Variants in GRB2 observed in about 807,000 individuals in gnomAD.
The protein encoded by GRB2 is growth factor receptor-bound protein 2.
A neutral mutation model predicts 27.4 loss-of-function variants in GRB2; 2 were observed. That is an observed-to-expected ratio of 0.07 (90% confidence interval 0.03 to 0.23). The LOEUF is 0.23. GRB2 is among the 10% of genes least tolerant of loss of function. GRB2 has a pLI of 1.00. For missense variants in GRB2, 102 were observed against 282.4 expected (o/e 0.36, Z 4.58); for synonymous variants, 94 against 99.6 (o/e 0.94, Z 0.33).
intron 2 of GRB2, among the ~76,000 whole-genome samples, chr17:75,346,578 C>CCT (rs1567862701): frequency 8.7e-5 from 6 of 68,724 alleles, no homozygotes; most frequent in Non-Finnish European, 1.2e-4. Context: ...CTTTTCTTGC[C>CCT]TTTTTTTTTT....
chr17:75,400,849 C>T (rs557575094), intron 1 of GRB2, among the ~76,000 whole-genome samples: 1 of 152,230 alleles, frequency 6.6e-6, no homozygotes, highest in East Asian at 1.9e-4. Flanking sequence ...CCAGATTTAT[C>T]TCACTGAAAC....
At chr17:75,323,792 C>T (rs967988291) in intron 4 of GRB2, among the ~76,000 whole-genome samples, 14 of 151,178 alleles carry the variant, frequency 9.3e-5, no homozygotes, top group Admixed American at 1.3e-4. Flanking sequence ...AGGTGTCACA[C>T]ATGTTTTTCT....
chr17:75,376,085 G>C (rs190453482), intron 2 of GRB2, among the ~76,000 whole-genome samples: 1 of 148,902 alleles, frequency 6.7e-6, no homozygotes, highest in African/African-American at 2.5e-5. Flanking sequence ...GCTCACGCCT[G>C]TAATCCCAGC....
chr17:75,330,372 C>G (rs1043847298), intron 3 of GRB2, among the ~76,000 whole-genome samples: 2 of 151,100 alleles, frequency 1.3e-5, no homozygotes, highest in African/African-American at 4.9e-5. Context: ...CAGAGCGAGA[C>G]TCCATCTCAA....
intron 4 of GRB2, among the ~76,000 whole-genome samples, chr17:75,324,263 G>A (rs896398151): frequency 1.3e-5 from 2 of 150,790 alleles, no homozygotes; most frequent in Non-Finnish European, 2.9e-5. Context: ...GTAGTGGCAC[G>A]ATCTTGGCTC....
chr17:75,390,062 GA>G (rs745871384), intron 2 of GRB2, among the ~76,000 whole-genome samples: 44 of 152,144 alleles, frequency 2.9e-4, no homozygotes, highest in Non-Finnish European at 5.7e-4. Context: ...CAGTCAGTGT[GA>G]CACTGAAATA....
chr17:75,371,590 G>C (rs2078856956), intron 2 of GRB2: 1 of 152,066 alleles, frequency 6.6e-6, no homozygotes, highest in Non-Finnish European at 1.5e-5. Context: ...GTACACAATG[G>C]TGCTCGGGGC....
chr17:75,386,762 C>G (rs1034678673), intron 2 of GRB2, among the ~76,000 whole-genome samples: 1 of 152,160 alleles, frequency 6.6e-6, no homozygotes, highest in African/African-American at 2.4e-5. Flanking sequence ...GATGGGTACA[C>G]CCAGTACACC....
chr17:75,345,070 G>A (rs188413021), intron 2 of GRB2, among the ~76,000 whole-genome samples: 3 of 152,000 alleles, frequency 2.0e-5, no homozygotes, highest in Non-Finnish European at 4.4e-5. Context: ...TTGAGATGGA[G>A]TCTTGCTCTG....
chr17:75,335,642 T>C (rs548169960), intron 2 of GRB2, among the ~76,000 whole-genome samples: 2 of 152,304 alleles, frequency 1.3e-5, no homozygotes, highest in East Asian at 3.9e-4. Context: ...TGCCAGACAC[T>C]GGGTTTCAAT....
chr17:75,326,049 T>C (rs769779954), intron 3 of GRB2, 29 bp from the exon 4 acceptor site: 1 of 1,613,440 alleles, frequency 6.2e-7, no homozygotes. Context: ...CTGGTCAACA[T>C]CTGCTTCCCC....
intron 2 of GRB2, among the ~76,000 whole-genome samples, chr17:75,334,861 T>C (rs1185938563): frequency 6.6e-6 from 1 of 151,996 alleles, no homozygotes; most frequent in East Asian, 1.9e-4. Flanking sequence ...ATATCTTTTT[T>C]TTTTTTTTTT....
chr17:75,355,097 C>T (rs537259219), intron 2 of GRB2, among the ~76,000 whole-genome samples: 4 of 152,328 alleles, frequency 2.6e-5, no homozygotes, highest in South Asian at 2.1e-4. Context: ...CGTGAGCCAC[C>T]GCGCCTGGCC....
At chr17:75,383,242 C>A (rs1298562030) in intron 2 of GRB2, among the ~76,000 whole-genome samples, 2 of 152,150 alleles carry the variant, frequency 1.3e-5, no homozygotes, top group Non-Finnish European at 2.9e-5. Flanking sequence ...CAGAAACTTA[C>A]AAAAGAGGCC....
At chr17:75,340,897 T>C (rs2078616259) in intron 2 of GRB2, among the ~76,000 whole-genome samples, 1 of 152,064 alleles carries the variant, frequency 6.6e-6, no homozygotes, top group African/African-American at 2.4e-5. Flanking sequence ...CCAGCAAAGG[T>C]AGTTCAATAA....
At chr17:75,324,507 GTTTTTTTTT>G (rs767194304) in intron 4 of GRB2, among the ~76,000 whole-genome samples, 58 of 36,700 alleles carry the variant, frequency 1.6e-3, no homozygotes, top group Admixed American at 2.6e-3. Flanking sequence ...ACCGCACCCA[GTTTTTTTTT>G]TTTTTTTTTT....
chr17:75,353,555 G>T (rs780307738), intron 2 of GRB2, among the ~76,000 whole-genome samples: 36 of 152,162 alleles, frequency 2.4e-4, no homozygotes, highest in Non-Finnish European at 4.0e-4. Flanking sequence ...GAGGTCAGGG[G>T]TTCAAGACCA....
intron 2 of GRB2, among the ~76,000 whole-genome samples, chr17:75,377,324 T>C (rs930182563): frequency 2.0e-5 from 3 of 151,790 alleles, no homozygotes; most frequent in Non-Finnish European, 4.4e-5. Flanking sequence ...CCCATGTTTA[T>C]TGCAAACAAA....
intron 2 of GRB2, among the ~76,000 whole-genome samples, chr17:75,346,672 G>A (rs1345124214): frequency 2.4e-5 from 3 of 122,792 alleles, no homozygotes; most frequent in African/African-American, 6.1e-5. Flanking sequence ...AACCTCCACC[G>A]CCCGGGTTCA....
Sources: allele counts gnomAD v4.1 joint callset (sites outside exome capture counted in the v4.1 genomes callset), GRCh38; gene constraint gnomAD v4.1.1; transcripts MANE v1.5; gene names NCBI Gene and HGNC (gene_info 2026-07-23, HGNC 2026-07-21).